The following MED23 variants were observed in gnomAD, a reference collection of about 807,000 sequenced individuals.
The protein encoded by MED23 is mediator of RNA polymerase II transcription subunit 23.
In MED23, 105 loss-of-function variants were observed where a neutral mutation model predicts 163.9. That is an observed-to-expected ratio of 0.64 (90% confidence interval 0.55 to 0.75). The LOEUF is 0.75. Among genes scored for constraint, MED23 ranks in the 30% least tolerant of loss-of-function variants. MED23 has a pLI of 0.00. For missense variants in MED23, 1,054 were observed against 1,649.0 expected (o/e 0.64, Z 6.25); for synonymous variants, 561 against 565.6 (o/e 0.99, Z 0.12).
chr6:131,604,378 G>C, intron 14 of MED23, 58 bp from the exon 15 acceptor site: 1 of 1,537,480 alleles, frequency 6.5e-7, no homozygotes. Context: ...AAACATAGGG[G>C]CTACTCTACT....
At chr6:131,592,971 A>G in intron 24 of MED23, 35 bp downstream of exon 24, 1 of 1,612,444 alleles carries the variant, frequency 6.2e-7, no homozygotes, top group African/African-American at 1.3e-5. Context: ...TTACAAATAA[A>G]CAACAAATCT....
chr6:131,611,727 AT>A (rs1776289962), intron 10 of MED23, among the ~76,000 whole-genome samples: 1 of 152,108 alleles, frequency 6.6e-6, no homozygotes, highest in Non-Finnish European at 1.5e-5. Context: ...TAAAGCCAGG[AT>A]TTCCAGTAGG....
chr6:131,584,245 A>G (rs1292418691), downstream of MED23: 8 of 282,760 alleles, frequency 2.8e-5, no homozygotes, highest in Non-Finnish European at 5.4e-5. Flanking sequence ...GAATCAGGAG[A>G]CAAAGCTACC....
chr6:131,610,545 TG>T (rs1359028165), intron 10 of MED23, among the ~76,000 whole-genome samples: 2 of 152,218 alleles, frequency 1.3e-5, no homozygotes, highest in African/African-American at 4.8e-5. Context: ...TAGAGAATTT[TG>T]TTATTTATCC....
intron 28 of MED23, among the ~76,000 whole-genome samples, chr6:131,589,067 T>C (rs1201049015): frequency 6.6e-6 from 1 of 152,146 alleles, no homozygotes; most frequent in Admixed American, 6.5e-5. Context: ...GTCTTCTAGT[T>C]ATGCCGCGGT....
chr6:131,622,078 C>T (rs890354109), intron 5 of MED23, 99 bp from the exon 6 acceptor site: 23 of 786,012 alleles, frequency 2.9e-5, no homozygotes, highest in Admixed American at 2.2e-4. Flanking sequence ...TTCAAGGTCA[C>T]ACCTTTAAAT....
chr6:131,577,094 T>G (rs188627941), intron 30 of MED23, among the ~76,000 whole-genome samples: 1 of 152,152 alleles, frequency 6.6e-6, no homozygotes. Context: ...ATTTGTGAAA[T>G]AAAATAAAAT....
chr6:131,575,521 G>A (rs967593510), intron 30 of MED23, among the ~76,000 whole-genome samples: 1 of 152,088 alleles, frequency 6.6e-6, no homozygotes, highest in Non-Finnish European at 1.5e-5. Context: ...TTGCTGCCAG[G>A]GACAGGAATT....
intron 20 of MED23, 90 bp from the exon 21 acceptor site, chr6:131,596,778 A>G: frequency 6.6e-6 from 8 of 1,216,442 alleles, no homozygotes; most frequent in Non-Finnish European, 7.1e-6. Context: ...TAACAAAGTA[A>G]AATCTCACTA....
intron 3 of MED23, 49 bp downstream of exon 3, chr6:131,627,342 AAAAAG>A (rs1777579643): frequency 7.5e-7 from 1 of 1,338,464 alleles, no homozygotes; most frequent in Admixed American, 2.1e-5. Context: ...AAAAAAAAAA[AAAAAG>A]AAGAGGCCAA....
intron 18 of MED23, 140 bp downstream of exon 18, chr6:131,599,898 C>G: frequency 9.7e-7 from 1 of 1,035,056 alleles, no homozygotes; most frequent in East Asian, 2.7e-5. Context: ...CTTGTGCCAC[C>G]ATGCCCAGCC....
intron 20 of MED23, among the ~76,000 whole-genome samples, chr6:131,597,588 G>A (rs1181059226): frequency 6.6e-6 from 1 of 151,824 alleles, no homozygotes; most frequent in Non-Finnish European, 1.5e-5. Context: ...TACAGAAATG[G>A]TTATATTCGC....
intron 17 of MED23, among the ~76,000 whole-genome samples, chr6:131,601,891 A>G (rs1404142098): frequency 1.3e-5 from 2 of 152,048 alleles, no homozygotes; most frequent in Non-Finnish European, 2.9e-5. Context: ...ATAAATATCC[A>G]TAGATATAAT....
At chr6:131,584,144 G>C, downstream of MED23, 1 of 521,920 alleles carries the variant, frequency 1.9e-6, no homozygotes, top group South Asian at 2.2e-5. Flanking sequence ...TCCTTAGAAA[G>C]AGAAGTGTAC....
intron 30 of MED23, among the ~76,000 whole-genome samples, chr6:131,577,037 G>A (rs979336461): frequency 1.4e-4 from 21 of 152,096 alleles, no homozygotes; most frequent in Non-Finnish European, 2.8e-4. Flanking sequence ...AACAGCAAAT[G>A]GAAGGCAAGG....
intron 14 of MED23, 122 bp downstream of exon 14, chr6:131,605,114 GCTAA>G: frequency 1.0e-6 from 1 of 961,036 alleles, no homozygotes; most frequent in Non-Finnish European, 1.5e-6. Flanking sequence ...ATAAAATAAA[GCTAA>G]CTTTTTTTTC....
chr6:131,602,279 T>G lies in MED23; in HGVS notation c.2034A>C (p.Ala678=). The G allele has an allele frequency of 1.2e-6, 2 of 1,614,018 alleles. No individual in the cohort carries two copies. Among genetic ancestry groups the G allele is most frequent in the East Asian group, 4.5e-5 (2 of 44,882 alleles). Residue 678 remains alanine (A), a synonymous_variant, in exon 17 of 29, where the codon GCA becomes GCC. Coordinates refer to ENST00000368068, the MANE Select transcript of MED23 (RefSeq NM_004830.4). ...FLSDPKTVLS[A]ESEELNRALI... ...AGGCTCGGTTCAGTTCTTCAGATTC[T>G]GCTGAGAGCACTGTTTTGGGATCAC...
At chr6:131,615,382 C>G (rs1317313408) in intron 10 of MED23, 1 of 1,596,282 alleles carries the variant, frequency 6.3e-7, no homozygotes, top group South Asian at 1.1e-5. Context: ...CAGGACAGAA[C>G]AAAAATAAAG....
intron 9 of MED23, among the ~76,000 whole-genome samples, chr6:131,616,916 T>C (rs1376543561): frequency 6.6e-6 from 1 of 152,138 alleles, no homozygotes; most frequent in Non-Finnish European, 1.5e-5. Flanking sequence ...GAATATTTAT[T>C]CAATGTCTTG....
Sources: allele counts gnomAD v4.1 joint callset (sites outside exome capture counted in the v4.1 genomes callset), GRCh38; gene constraint gnomAD v4.1.1; transcripts MANE v1.5; gene names NCBI Gene and HGNC (gene_info 2026-07-23, HGNC 2026-07-21).